Variants in IGFL2 observed in about 807,000 individuals in gnomAD.
IGFL2 encodes the protein insulin growth factor-like family member 2.
In IGFL2, 7 loss-of-function variants were observed where a neutral mutation model predicts 13.9. The observed-to-expected ratio is 0.51, with a 90% CI of 0.29 to 0.95. The LOEUF is 0.95. Ranked by LOEUF, IGFL2 falls within the 40% of genes least tolerant of loss-of-function variation. IGFL2 has a pLI of 0.08. For missense variants in IGFL2, 138 were observed against 147.8 expected (o/e 0.93, Z 0.34); for synonymous variants, 55 against 55.8 (o/e 0.99, Z 0.07).
chr19:46,110,472 T>C, the IGFL2 span, among the ~76,000 whole-genome samples: 1 of 152,238 alleles, frequency 6.6e-6, no homozygotes, highest in African/African-American at 2.4e-5. Flanking sequence ...AAAACTAATA[T>C]TATACTTTCA....
chr19:46,098,977 AT>A, the IGFL2 span, among the ~76,000 whole-genome samples: 1 of 152,072 alleles, frequency 6.6e-6, no homozygotes, highest in African/African-American at 2.4e-5. Flanking sequence ...TCCTTTCCAT[AT>A]TTAGTGCTTC....
the IGFL2 span, among the ~76,000 whole-genome samples, chr19:46,173,341 G>A: frequency 6.6e-6 from 1 of 152,194 alleles, no homozygotes; most frequent in African/African-American, 2.4e-5. Context: ...GTATCCTCAT[G>A]TGATTCACGT....
chr19:46,099,465 T>A, the IGFL2 span, among the ~76,000 whole-genome samples: 1 of 152,040 alleles, frequency 6.6e-6, no homozygotes, highest in Non-Finnish European at 1.5e-5. Context: ...CTCCTATCAG[T>A]CATAGGTTTG....
the IGFL2 span, chr19:46,204,715 A>G: frequency 6.6e-6 from 1 of 152,204 alleles, no homozygotes; most frequent in Non-Finnish European, 1.5e-5. Flanking sequence ...TCCCTCAGGG[A>G]ATTGTAATGG....
the IGFL2 span, among the ~76,000 whole-genome samples, chr19:46,187,303 G>T: frequency 6.6e-6 from 1 of 151,122 alleles, no homozygotes; most frequent in Admixed American, 6.6e-5. Flanking sequence ...TTATACCTGA[G>T]GTTGTGCTGC....
intron 1 of IGFL2, among the ~76,000 whole-genome samples, chr19:46,154,834 C>T (rs933815639): frequency 4.5e-4 from 69 of 152,066 alleles, no homozygotes; most frequent in African/African-American, 1.6e-3. Flanking sequence ...TATTTTTGTA[C>T]GGTGTTCTTA....
intron 1 of IGFL2, chr19:46,149,135 AC>A: frequency 1.2e-6 from 1 of 823,662 alleles, no homozygotes. Context: ...TTTTTGGGCA[AC>A]CATCTCTCTC....
chr19:46,120,362 C>T, the IGFL2 span: 3 of 1,610,906 alleles, frequency 1.9e-6, no homozygotes, highest in Admixed American at 5.0e-5. Flanking sequence ...CTGTTCCTAT[C>T]ACAGTGCCCC....
At chr19:46,099,133 A>G in the IGFL2 span, among the ~76,000 whole-genome samples, 1 of 152,236 alleles carries the variant, frequency 6.6e-6, no homozygotes, top group South Asian at 2.1e-4. Context: ...TTTCTTTAAG[A>G]ATGATGAATA....
downstream of IGFL2, among the ~76,000 whole-genome samples, chr19:46,165,506 AGGAGCACATTAACTAGCACAG>A (rs555565110): frequency 8.5e-4 from 129 of 152,322 alleles, 2 homozygotes; most frequent in Middle Eastern, 0.017. Flanking sequence ...GCTTGCACAG[AGGAGCACATTAACTAGCACAG>A]GGAGCACATT....
chr19:46,084,769 G>A, the IGFL2 span, among the ~76,000 whole-genome samples: 1 of 152,170 alleles, frequency 6.6e-6, no homozygotes, highest in African/African-American at 2.4e-5. Flanking sequence ...CATGATACAA[G>A]CACTTCCCAC....
the IGFL2 span, among the ~76,000 whole-genome samples, chr19:46,126,472 G>A: frequency 6.6e-6 from 1 of 152,140 alleles, no homozygotes; most frequent in Non-Finnish European, 1.5e-5. Flanking sequence ...AACTCCTTCT[G>A]CCTTTCATTA....
upstream of IGFL2, chr19:46,148,220 T>C: frequency 1.3e-6 from 2 of 1,493,696 alleles, no homozygotes; most frequent in South Asian, 2.4e-5. Flanking sequence ...CATAAGTCCC[T>C]GTATAAAGTC....
At chr19:46,179,029 A>G in the IGFL2 span, among the ~76,000 whole-genome samples, 1 of 151,940 alleles carries the variant, frequency 6.6e-6, no homozygotes, top group Admixed American at 6.5e-5. Flanking sequence ...GAGAGAGAAG[A>G]CCAGGGTGGG....
At chr19:46,127,631 A>G in the IGFL2 span, among the ~76,000 whole-genome samples, 1 of 152,154 alleles carries the variant, frequency 6.6e-6, no homozygotes, top group Admixed American at 6.6e-5. Flanking sequence ...GTAGGTAGGT[A>G]GGTGGGTAGA....
chr19:46,153,832 TA>T (rs1371605325), intron 1 of IGFL2, among the ~76,000 whole-genome samples: 3 of 146,420 alleles, frequency 2.0e-5, no homozygotes, highest in African/African-American at 7.6e-5. Context: ...TATATATATA[TA>T]TATATATTTT....
At chr19:46,104,478 G>A in the IGFL2 span, among the ~76,000 whole-genome samples, 2 of 152,306 alleles carry the variant, frequency 1.3e-5, no homozygotes, top group South Asian at 2.1e-4. Flanking sequence ...CTGTATAGAG[G>A]TAGGAAGGCC....
the IGFL2 span, among the ~76,000 whole-genome samples, chr19:46,084,527 A>G: frequency 6.6e-6 from 1 of 152,134 alleles, no homozygotes; most frequent in Non-Finnish European, 1.5e-5. Flanking sequence ...TAATTTATAT[A>G]AAAAAAGAGC....
chr19:46,200,094 T>C, the IGFL2 span, among the ~76,000 whole-genome samples: 1 of 152,132 alleles, frequency 6.6e-6, no homozygotes, highest in Non-Finnish European at 1.5e-5. Flanking sequence ...CCTTGTGATC[T>C]GTCCACCTCG....
Sources: gnomAD v4.1 joint callset for allele counts (sites outside exome capture counted in the v4.1 genomes callset) on GRCh38, gnomAD v4.1.1 for gene constraint, MANE v1.5 for transcripts, NCBI Gene and HGNC (gene_info 2026-07-23, HGNC 2026-07-21) for gene names.